The following NSL1 variants were observed in gnomAD, a reference collection of about 807,000 sequenced individuals.
The protein encoded by NSL1 is kinetochore-associated protein NSL1 homolog.
A neutral mutation model predicts 25.4 loss-of-function variants in NSL1; 11 were observed. The observed-to-expected ratio is 0.43, with a 90% CI of 0.27 to 0.72. The LOEUF is 0.72. Ranked by LOEUF, NSL1 falls within the 30% of genes least tolerant of loss-of-function variation. The pLI, the probability that NSL1 is intolerant of heterozygous loss-of-function variation, is 0.19. For missense variants in NSL1, 330 were observed against 342.7 expected (o/e 0.96, Z 0.29); for synonymous variants, 118 against 120.6 (o/e 0.98, Z 0.14).
chr1:212,737,890 G>A lies in NSL1; in HGVS notation c.*518C>T, dbSNP rs1476799842. ...CTGAACATGGAGTAACAAAGTCAAA[G>A]CCAGTATTATCATCAGCACATTAAT... On this transcript the variant is annotated 3_prime_UTR_variant, in exon 6 of 6. Coordinates refer to ENST00000366977, the MANE Select transcript of NSL1 (RefSeq NM_015471.4). The A allele has an allele frequency of 5.1e-6, 5 of 985,146 alleles. No homozygotes were observed. The East Asian group carries it at 3.4e-4, about 67-fold the overall frequency. The allele number at this position is 985,146 out of a possible 1,614,324, so 61.0% of individuals were successfully genotyped here.
chr1:212,769,233 A>C (rs771990265), intron 4 of NSL1, among the ~76,000 whole-genome samples: 1 of 152,236 alleles, frequency 6.6e-6, no homozygotes, highest in Non-Finnish European at 1.5e-5. Flanking sequence ...CAAATCTTGC[A>C]AAAGATATAC....
At chr1:212,749,970 C>T (rs991975200) in intron 4 of NSL1, among the ~76,000 whole-genome samples, 1 of 140,258 alleles carries the variant, frequency 7.1e-6, no homozygotes. Context: ...GCTACACTTT[C>T]CCATTAATAT....
Position 212,736,646 on chromosome 1 carries a change from A to AATTTCAATTT in NSL1, c.*1761_*1762insAAATTGAAAT. 1.0e-6 allele frequency: 1 copy of AATTTCAATTT among 985,268 alleles called. No homozygotes were observed. The highest frequency in any genetic ancestry group is 1.2e-6 in the Non-Finnish European group (1 of 829,760). The allele number at this position is 985,268 out of a possible 1,614,324, so 61.0% of individuals were successfully genotyped here. On this transcript the variant is annotated 3_prime_UTR_variant, in exon 6 of 6. Coordinates refer to ENST00000366977, the MANE Select transcript of NSL1 (RefSeq NM_015471.4). ...TATGGAGTAAAACTTTGGGCTCTCA[A>AATTTCAATTT]GAGGATTTCAAATCTCAGCTGTCTG...
At chr1:212,748,798 T>C (rs1658926148) in intron 4 of NSL1, among the ~76,000 whole-genome samples, 4 of 152,158 alleles carry the variant, frequency 2.6e-5, no homozygotes, top group Admixed American at 2.6e-4. Context: ...ATGTGCTAGT[T>C]ACATTTTCAA....
chr1:212,775,610 AAC>A (rs1491064470), intron 4 of NSL1, among the ~76,000 whole-genome samples: 7 of 146,208 alleles, frequency 4.8e-5, no homozygotes, highest in East Asian at 3.9e-4. Context: ...AGAAAAAAAA[AAC>A]AAAACAAAAC....
intron 5 of NSL1, 64 bp from the exon 6 acceptor site, chr1:212,738,750 T>C: frequency 1.4e-6 from 2 of 1,382,736 alleles, no homozygotes; most frequent in East Asian, 2.3e-5. Flanking sequence ...CAGACAAAGA[T>C]GGATGCAGTA....
At chr1:212,739,637 T>A (rs1290192966) in intron 4 of NSL1, 36 bp from the exon 5 acceptor site, 1 of 1,599,670 alleles carries the variant, frequency 6.3e-7, no homozygotes. Context: ...TTTAGGTTTT[T>A]ATCTAATAGC....
chr1:212,775,018 T>C (rs1224778082), intron 4 of NSL1, among the ~76,000 whole-genome samples: 1 of 152,192 alleles, frequency 6.6e-6, no homozygotes, highest in Non-Finnish European at 1.5e-5. Context: ...TATAAATATA[T>C]AAAATACATA....
chr1:212,750,369 GA>G (rs1659012407), intron 4 of NSL1, among the ~76,000 whole-genome samples: 2 of 151,996 alleles, frequency 1.3e-5, no homozygotes, highest in Admixed American at 6.6e-5. Flanking sequence ...AATAAATCAA[GA>G]AAGAGTAGAA....
At chr1:212,751,339 T>C (rs1157671614) in intron 4 of NSL1, among the ~76,000 whole-genome samples, 3 of 152,170 alleles carry the variant, frequency 2.0e-5, no homozygotes, top group African/African-American at 7.2e-5. Context: ...CAAGTGGGTT[T>C]CATCAGCCTC....
chr1:212,771,175 G>A (rs775531957), intron 4 of NSL1, among the ~76,000 whole-genome samples: 6 of 152,226 alleles, frequency 3.9e-5, no homozygotes, highest in East Asian at 3.9e-4. Flanking sequence ...TTAGCCAGGC[G>A]TGGTGGCGCA....
In NSL1 at chr1:212,728,435, A is replaced by T; in HGVS notation, c.*9973T>A. On this transcript the variant is annotated 3_prime_UTR_variant, in exon 6 of 6. Transcript: ENST00000366977. ...ACTATTACAGTTGTGGCTTTACTCA[A>T]TCTCTTCCTTTTCTTTGGGTAATCT... is the stretch of plus-strand genomic sequence containing the variant. The T allele has an allele frequency of 1.0e-6, 1 of 985,380 alleles. No homozygotes were observed. The highest frequency in any genetic ancestry group is 1.2e-6 in the Non-Finnish European group (1 of 829,930). 61.0% of individuals were successfully genotyped at this position (985,380 alleles called of 1,614,324 possible). A position where few individuals can be genotyped will look rare whatever the true frequency, so the allele number is the denominator to read the frequency against.
rs1389069656 is a variant in NSL1 at position 212,730,001 on chromosome 1, A to G, written c.*8407T>C. ...CGTGGCGGCTCACTCCTGTAATCACAGCACTTTGGGAGGCCAGGGCGAGTG... is the reference window on the plus strand; with the variant it reads ...CGTGGCGGCTCACTCCTGTAATCACGGCACTTTGGGAGGCCAGGGCGAGTG... On this transcript the variant is annotated 3_prime_UTR_variant, in exon 6 of 6. Transcript: ENST00000366977. The G allele has an allele frequency of 1.0e-6, 1 of 984,374 alleles. No individual in the cohort carries two copies. The highest frequency in any genetic ancestry group is 1.2e-6 in the Non-Finnish European group (1 of 829,254). 61.0% of individuals were successfully genotyped at this position (984,374 alleles called of 1,614,324 possible). A position where few individuals can be genotyped will look rare whatever the true frequency, so the allele number is the denominator to read the frequency against.
At position 212,728,109 on chromosome 1, in the gene NSL1, C is replaced by T. The variant is rs537339661; in HGVS notation, c.*10299G>A. The T allele has an allele frequency of 6.1e-5, 59 of 974,240 alleles. No individual in the cohort carries two copies. Among genetic ancestry groups the T allele is most frequent in the East Asian group, 2.3e-4 (2 of 8,768 alleles). The allele number at this position is 974,240 out of a possible 1,614,324, so 60.3% of individuals were successfully genotyped here. A position where few individuals can be genotyped will look rare whatever the true frequency, so the allele number is the denominator to read the frequency against. ...CTCCACCTCTTTCTCATGAAATGGGCGTGGTAATAGCCCTTAATTCATGGA... is the reference window on the plus strand; with the variant it reads ...CTCCACCTCTTTCTCATGAAATGGGTGTGGTAATAGCCCTTAATTCATGGA... On this transcript the variant is annotated 3_prime_UTR_variant, in exon 6 of 6. Coordinates refer to ENST00000366977, the MANE Select transcript of NSL1 (RefSeq NM_015471.4).
At chr1:212,779,836 G>T (rs1660625291) in intron 4 of NSL1, among the ~76,000 whole-genome samples, 1 of 143,352 alleles carries the variant, frequency 7.0e-6, no homozygotes, top group African/African-American at 2.6e-5. Context: ...GAGGTGGGGG[G>T]GTCAGCCCCC....
intron 1 of NSL1, among the ~76,000 whole-genome samples, chr1:212,789,551 G>A (rs1661089621): frequency 6.6e-6 from 1 of 152,282 alleles, no homozygotes; most frequent in Admixed American, 6.5e-5. Context: ...TTACTTTCAA[G>A]AATTGCTGAG....
At chr1:212,738,760 A>G in intron 5 of NSL1, 74 bp from the exon 6 acceptor site, 1 of 1,256,352 alleles carries the variant, frequency 8.0e-7, no homozygotes, top group South Asian at 1.5e-5. Context: ...TGGATGCAGT[A>G]CTCTAATTTT....
intron 4 of NSL1, among the ~76,000 whole-genome samples, chr1:212,744,589 T>C (rs542954223): frequency 4.6e-5 from 7 of 152,248 alleles, no homozygotes; most frequent in Admixed American, 3.9e-4. Flanking sequence ...CCATCAATTA[T>C]CTTAATATGC....
At chr1:212,771,959 T>C (rs112575728) in intron 4 of NSL1, among the ~76,000 whole-genome samples, 2,481 of 152,266 alleles carry the variant, frequency 0.016, 67 homozygotes, top group African/African-American at 0.053. Context: ...TGGGAGATAA[T>C]TGAATCATGG....
Sources: gnomAD v4.1 joint callset for allele counts (sites outside exome capture counted in the v4.1 genomes callset) on GRCh38, gnomAD v4.1.1 for gene constraint, MANE v1.5 for transcripts, NCBI Gene and HGNC (gene_info 2026-07-23, HGNC 2026-07-21) for gene names.